Variants in SIAH3 observed in about 807,000 individuals in gnomAD.
SIAH3 encodes seven in absentia homolog 3.
Under a neutral mutation model 12.6 loss-of-function variants are expected in SIAH3, and 9 were observed. The ratio of observed to expected loss-of-function variants is 0.72; its 90% CI spans 0.43 to 1.25. The LOEUF (loss-of-function observed/expected upper bound fraction) is 1.25. Among genes scored for constraint, SIAH3 ranks in the 50% most tolerant of loss-of-function variants. The pLI is 0.00. For missense variants in SIAH3, 390 were observed against 365.4 expected (o/e 1.07, Z -0.55); for synonymous variants, 154 against 151.1 (o/e 1.02, Z -0.14).
At chr13:45,824,483 C>T (rs966137291) in intron 1 of SIAH3, among the ~76,000 whole-genome samples, 5 of 152,166 alleles carry the variant, frequency 3.3e-5, no homozygotes, top group Non-Finnish European at 5.9e-5. Flanking sequence ...CATTTTCTTC[C>T]TTCTTTGTAA....
Position 45,801,101 on chromosome 13 carries a change from G to GC in SIAH3, c.136-17045_136-17044insG, listed in dbSNP as rs1555257360. 3.7e-4 allele frequency among the ~76,000 whole-genome samples: 29 copies of GC among 79,396 alleles called. No individual in the cohort carries two copies. The East Asian group carries it at 6.5e-3, about 18-fold the overall frequency. The allele number at this position is 79,396 out of a possible 152,430, so 52.1% of individuals were successfully genotyped here. A position where few individuals can be genotyped will look rare whatever the true frequency, so the allele number is the denominator to read the frequency against. ...TGGGTGAAGTGATGGGTGGCGGGGGGGGGCATGGCTGTAGACGTTGCTATT... is the reference window on the plus strand; with the variant it reads ...TGGGTGAAGTGATGGGTGGCGGGGGGCGGGCATGGCTGTAGACGTTGCTATT... On this transcript the variant is annotated intron_variant, in intron 1 of 1. Transcript: ENST00000400405.
At chr13:45,828,534 C>A (rs1271744131) in intron 1 of SIAH3, among the ~76,000 whole-genome samples, 3 of 152,210 alleles carry the variant, frequency 2.0e-5, no homozygotes, top group African/African-American at 7.2e-5. Flanking sequence ...GCATAATTCA[C>A]TATTTTGCGA....
rs933869653 is a variant in SIAH3, at chr13:45,798,845, G to A, written c.136-14788C>T. Among the ~76,000 whole-genome samples, 16 of 152,204 alleles carry A rather than the reference G, an allele frequency of 1.1e-4. 1 individual carries two copies. The highest frequency in any genetic ancestry group is 9.2e-4 in the Admixed American group (14 of 15,276). ...AGTTTATCTTTAAACTGGTCCAAGT[G>A]CAAATTGTCTTATCTTCTTCCATGA... On this transcript the variant is annotated intron_variant, in intron 1 of 1. Transcript: ENST00000400405.
intron 1 of SIAH3, among the ~76,000 whole-genome samples, chr13:45,847,622 C>CGTGTG (rs1716843074): frequency 6.8e-6 from 1 of 146,836 alleles, no homozygotes; most frequent in African/African-American, 2.5e-5. Context: ...TCCATGTGTT[C>CGTGTG]GTGTGTGTGT....
At chr13:45,846,759 T>C (rs1593390531) in intron 1 of SIAH3, among the ~76,000 whole-genome samples, 1 of 152,178 alleles carries the variant, frequency 6.6e-6, no homozygotes, top group African/African-American at 2.4e-5. Flanking sequence ...GCTGGATAAA[T>C]GCAGTACAGA....
intron 1 of SIAH3, among the ~76,000 whole-genome samples, chr13:45,842,347 A>C (rs531461539): frequency 6.6e-6 from 1 of 152,146 alleles, no homozygotes; most frequent in African/African-American, 2.4e-5. Flanking sequence ...TATATAAATC[A>C]TATGTATATT....
chr13:45,820,689 G>A (rs962521253), intron 1 of SIAH3, among the ~76,000 whole-genome samples: 32 of 151,984 alleles, frequency 2.1e-4, no homozygotes, highest in African/African-American at 6.0e-4. Context: ...ATCCCCTCCC[G>A]GAGCAAACAG....
At position 45,851,513 on chromosome 13, in the gene SIAH3, G is replaced by A. The variant is rs370472598; in HGVS notation, c.117C>T (p.Asn39=). Reference sequence around the variant, plus strand: ...GACTCACCTTTAGGTTGTGTGTGGGGTTGACGACACAGACAAGTTGCCCGG... The same window carrying A: ...GACTCACCTTTAGGTTGTGTGTGGGATTGACGACACAGACAAGTTGCCCGG... The part of the protein sequence containing the change: ...SAAGQLVCVV[N]PTHNLKYVSS... The change falls in exon 1 of 2, where the codon AAC becomes AAT. Residue 39 remains asparagine, a synonymous_variant. Coordinates refer to ENST00000400405, the MANE Select transcript of SIAH3 (RefSeq NM_198849.3). 2.5e-6 allele frequency: 4 copies of A among 1,614,036 alleles called. No homozygotes were observed. Among genetic ancestry groups the A allele is most frequent in the African/African-American group, 1.3e-5 (1 of 74,896 alleles).
At chr13:45,828,709 A>C (rs1225200694) in intron 1 of SIAH3, among the ~76,000 whole-genome samples, 1 of 152,228 alleles carries the variant, frequency 6.6e-6, no homozygotes, top group African/African-American at 2.4e-5. Context: ...GGTGAAGTCC[A>C]TGACAATAAA....
intron 1 of SIAH3, among the ~76,000 whole-genome samples, chr13:45,788,082 C>A (rs567502226): frequency 1.2e-3 from 185 of 152,314 alleles, no homozygotes; most frequent in Non-Finnish European, 2.1e-3. Context: ...ACGTGATACA[C>A]TCATTGAGAC....
chr13:45,786,919 C>T (rs1271511973), intron 1 of SIAH3, among the ~76,000 whole-genome samples: 1 of 152,188 alleles, frequency 6.6e-6, no homozygotes, highest in African/African-American at 2.4e-5. Flanking sequence ...CTATTCTTTC[C>T]AATTTCTCCA....
intron 1 of SIAH3, among the ~76,000 whole-genome samples, chr13:45,815,411 C>A (rs762930555): frequency 6.6e-6 from 1 of 152,082 alleles, no homozygotes; most frequent in African/African-American, 2.4e-5. Flanking sequence ...CTTTGGGCTC[C>A]GGCTATAGCA....
intron 1 of SIAH3, among the ~76,000 whole-genome samples, chr13:45,816,747 C>A (rs942672169): frequency 6.6e-6 from 1 of 152,190 alleles, no homozygotes; most frequent in African/African-American, 2.4e-5. Flanking sequence ...CCAAGACAGC[C>A]AATCCAGTGT....
intron 1 of SIAH3, among the ~76,000 whole-genome samples, chr13:45,826,264 A>G (rs1950674276): frequency 6.6e-6 from 1 of 152,114 alleles, no homozygotes; most frequent in Non-Finnish European, 1.5e-5. Flanking sequence ...GTCATTCACT[A>G]ATACATCTTC....
At chr13:45,842,705 C>T (rs1950744659) in intron 1 of SIAH3, among the ~76,000 whole-genome samples, 3 of 152,138 alleles carry the variant, frequency 2.0e-5, no homozygotes, top group Admixed American at 2.0e-4. Flanking sequence ...AGCATGCAGA[C>T]TCTGGGAGGC....
At chr13:45,820,022 C>T (rs1413980831) in intron 1 of SIAH3, among the ~76,000 whole-genome samples, 1 of 152,166 alleles carries the variant, frequency 6.6e-6, no homozygotes, top group Non-Finnish European at 1.5e-5. Context: ...CCTCACATAG[C>T]AGGAGGAAGA....
At chr13:45,848,568 G>A (rs913564890) in intron 1 of SIAH3, among the ~76,000 whole-genome samples, 1 of 152,184 alleles carries the variant, frequency 6.6e-6, no homozygotes, top group African/African-American at 2.4e-5. Flanking sequence ...ACCTATAGAA[G>A]CATGGTAAAT....
At chr13:45,835,672 C>A (rs1264790613) in intron 1 of SIAH3, among the ~76,000 whole-genome samples, 1 of 152,154 alleles carries the variant, frequency 6.6e-6, no homozygotes, top group Non-Finnish European at 1.5e-5. Context: ...CTCCAGAGAC[C>A]AGCACTTAGC....
intron 1 of SIAH3, among the ~76,000 whole-genome samples, chr13:45,840,611 C>T (rs1481524846): frequency 2.6e-5 from 4 of 152,168 alleles, no homozygotes; most frequent in Non-Finnish European, 4.4e-5. Flanking sequence ...CACAGGAACT[C>T]GATCCCACCA....
Sources: allele counts gnomAD v4.1 joint callset (sites outside exome capture counted in the v4.1 genomes callset), GRCh38; gene constraint gnomAD v4.1.1; transcripts MANE v1.5; gene names NCBI Gene and HGNC (gene_info 2026-07-23, HGNC 2026-07-21).